Variants in SCFD2 observed in about 807,000 individuals in gnomAD.
The protein encoded by SCFD2 is sec1 family domain-containing protein 2.
A neutral mutation model predicts 58.9 loss-of-function variants in SCFD2; 54 were observed. That is an observed-to-expected ratio of 0.92 (90% CI 0.74 to 1.15). The LOEUF is 1.15. Among genes scored for constraint, SCFD2 ranks in the 50% most tolerant of loss-of-function variants. The pLI is 0.00. For synonymous variants in SCFD2, 321 were observed against 335.9 expected, an observed-to-expected ratio of 0.96 and a Z score of 0.49; for missense variants, 805 against 836.6, an observed-to-expected ratio of 0.96 and a Z score of 0.47.
chr4:53,348,149 AT>A (rs200600863), intron 2 of SCFD2, among the ~76,000 whole-genome samples: 1,625 of 152,360 alleles, frequency 0.011, 20 homozygotes, highest in Non-Finnish European at 0.014. Flanking sequence ...TCAATTTCTC[AT>A]TTGCATTGGC....
chr4:53,134,992 T>C (rs1160743662), intron 5 of SCFD2, among the ~76,000 whole-genome samples: 1 of 151,996 alleles, frequency 6.6e-6, no homozygotes, highest in Non-Finnish European at 1.5e-5. Flanking sequence ...GGTAACTTTA[T>C]AGAATCTATT....
chr4:53,309,045 A>T (rs1359281325), intron 3 of SCFD2, among the ~76,000 whole-genome samples: 3 of 152,042 alleles, frequency 2.0e-5, no homozygotes, highest in African/African-American at 7.3e-5. Context: ...AGGCAGGAGA[A>T]TCGCTTGAAC....
At chr4:53,046,906 A>C (rs566551673) in intron 5 of SCFD2, among the ~76,000 whole-genome samples, 1 of 152,278 alleles carries the variant, frequency 6.6e-6, no homozygotes, top group East Asian at 1.9e-4. Context: ...TCCTGACCTC[A>C]GGTGATCCAC....
At chr4:52,976,924 C>T (rs1721271434) in intron 5 of SCFD2, among the ~76,000 whole-genome samples, 1 of 152,104 alleles carries the variant, frequency 6.6e-6, no homozygotes. Flanking sequence ...CTCTCTACTT[C>T]AGTTTTCTCA....
intron 4 of SCFD2, 76 bp from the exon 5 acceptor site, chr4:53,145,658 T>C (rs1030426946): frequency 1.5e-6 from 2 of 1,345,170 alleles, no homozygotes; most frequent in Middle Eastern, 1.9e-4. Flanking sequence ...AGTCGAATGA[T>C]AGCTTTCAAA....
chr4:52,961,326 T>G (rs904915740), intron 5 of SCFD2, among the ~76,000 whole-genome samples: 5 of 152,146 alleles, frequency 3.3e-5, no homozygotes, highest in African/African-American at 1.2e-4. Context: ...GGCGGCCATT[T>G]TGCTACTACC....
intron 1 of SCFD2, among the ~76,000 whole-genome samples, chr4:53,356,797 C>T (rs1048829201): frequency 2.1e-5 from 3 of 141,870 alleles, no homozygotes; most frequent in South Asian, 4.5e-4. Context: ...AGTGCAGTGG[C>T]GCGATCTCGG....
intron 4 of SCFD2, among the ~76,000 whole-genome samples, chr4:53,261,315 G>A (rs1308509513): frequency 2.0e-4 from 30 of 152,072 alleles, no homozygotes; most frequent in Non-Finnish European, 3.7e-4. Flanking sequence ...TTCTTGAGAT[G>A]TGACCTTAGT....
intron 4 of SCFD2, among the ~76,000 whole-genome samples, chr4:53,151,109 T>C (rs1726492518): frequency 6.6e-6 from 1 of 152,202 alleles, no homozygotes; most frequent in African/African-American, 2.4e-5. Flanking sequence ...AAGAGGAAGT[T>C]AGTAGTCTCA....
rs761366765 is a variant in SCFD2 at position 53,365,756 on chromosome 4, G to A, written c.186C>T (p.Asp62=). 1 of 1,613,812 alleles carries A rather than the reference G, an allele frequency of 6.2e-7. No individual in the cohort carries two copies. Among genetic ancestry groups the A allele is most frequent in the South Asian group, 1.1e-5 (1 of 91,042 alleles). ...GCTGCTTGGCTCCACCACCAATTGC[G>A]TCGGGCTCGAACTCTCGCAGGTGAC... is the stretch of plus-strand genomic sequence containing the variant. ...PDCHLREFEP[D]AIGGGAKQPK... is the part of the protein sequence containing the mutation. The change falls in exon 1 of 9, where the codon GAC becomes GAT. Residue 62 remains aspartate (D), a synonymous_variant. Transcript: ENST00000401642. The surrounding 1 kb of genome is among the most constrained non-coding windows in gnomAD (Gnocchi z 4.3).
chr4:53,111,860 G>C (rs1725182744), intron 5 of SCFD2, among the ~76,000 whole-genome samples: 1 of 152,080 alleles, frequency 6.6e-6, no homozygotes. Context: ...GAGTGTATTA[G>C]GGAGTAACTG....
intron 5 of SCFD2, among the ~76,000 whole-genome samples, chr4:53,049,281 T>G (rs565764509): frequency 2.0e-5 from 3 of 152,328 alleles, no homozygotes; most frequent in Admixed American, 6.5e-5. Context: ...TGGAACTCTG[T>G]CTGGCACACT....
intron 7 of SCFD2, among the ~76,000 whole-genome samples, chr4:52,906,774 C>A (rs572345914): frequency 6.6e-6 from 1 of 152,306 alleles, no homozygotes; most frequent in East Asian, 1.9e-4. Context: ...GCAAAACATT[C>A]TGTTACTTCC....
intron 4 of SCFD2, among the ~76,000 whole-genome samples, chr4:53,244,601 G>A (rs1730004681): frequency 6.6e-6 from 1 of 152,074 alleles, no homozygotes; most frequent in African/African-American, 2.4e-5. Context: ...GCAGTGTTAA[G>A]AGGAAATGTA....
intron 7 of SCFD2, among the ~76,000 whole-genome samples, chr4:52,896,213 T>A (rs201554818): frequency 2.6e-5 from 4 of 152,182 alleles, no homozygotes; most frequent in Non-Finnish European, 4.4e-5. Flanking sequence ...TTGCTTTTGG[T>A]GTTTTAGACA....
chr4:52,959,242 ACT>A (rs2109538775), intron 5 of SCFD2, among the ~76,000 whole-genome samples: 1 of 152,258 alleles, frequency 6.6e-6, no homozygotes, highest in South Asian at 2.1e-4. Context: ...TCAACAGGTC[ACT>A]GCAAGTATTG....
intron 6 of SCFD2, 33 bp from the exon 7 acceptor site, chr4:52,907,624 T>C (rs755637708): frequency 2.0e-5 from 32 of 1,611,354 alleles, no homozygotes; most frequent in Non-Finnish European, 2.5e-5. Flanking sequence ...GTAAAGGGAT[T>C]GTTTGGTTTG....
chr4:53,004,844 A>G (rs1262700061), intron 5 of SCFD2, among the ~76,000 whole-genome samples: 1 of 152,136 alleles, frequency 6.6e-6, no homozygotes, highest in Non-Finnish European at 1.5e-5. Flanking sequence ...GGGGTAAAGT[A>G]TCCATTCCCC....
intron 5 of SCFD2, among the ~76,000 whole-genome samples, chr4:52,923,204 T>C (rs546345693): frequency 2.2e-4 from 33 of 152,256 alleles, no homozygotes; most frequent in East Asian, 1.4e-3. Flanking sequence ...AGGCTGGACA[T>C]GGTGGCTCAC....
Sources: gnomAD v4.1 joint callset for allele counts (sites outside exome capture counted in the v4.1 genomes callset) on GRCh38, gnomAD v4.1.1 for gene constraint, Gnocchi (gnomAD v3.1) non-coding constraint, MANE v1.5 for transcripts, NCBI Gene and HGNC (gene_info 2026-07-23, HGNC 2026-07-21) for gene names.